ZPBP: variants seen among roughly 807,000 people sequenced by gnomAD.
ZPBP encodes the protein zona pellucida binding protein, also known as zona pellucida-binding protein 1.
A neutral mutation model predicts 44.8 loss-of-function variants in ZPBP; 26 were observed. The ratio of observed to expected loss-of-function variants is 0.58; its 90% CI spans 0.43 to 0.81. ZPBP has a LOEUF of 0.81. ZPBP is among the 30% of genes least tolerant of loss of function. The pLI is 0.00. For missense variants in ZPBP, 409 were observed against 434.0 expected (o/e 0.94, Z 0.51); for synonymous variants, 174 against 153.2 (o/e 1.14, Z -1.00).
intron 3 of ZPBP, among the ~76,000 whole-genome samples, chr7:50,063,087 G>T (rs1291368307): frequency 2.6e-5 from 4 of 152,144 alleles, no homozygotes; most frequent in African/African-American, 9.7e-5. Flanking sequence ...TACTTTTCAA[G>T]AAATAACATG....
chr7:49,982,297 T>TA (rs1797047815), intron 7 of ZPBP, among the ~76,000 whole-genome samples: 1 of 21,064 alleles, frequency 4.7e-5, no homozygotes, highest in Non-Finnish European at 8.7e-5. Context: ...ACATAATATA[T>TA]ATAATATATA....
chr7:49,980,144 TATTATA>T (rs1401703136), intron 7 of ZPBP, among the ~76,000 whole-genome samples: 1 of 115,164 alleles, frequency 8.7e-6, no homozygotes, highest in Non-Finnish European at 1.6e-5. Flanking sequence ...ATTATATTTA[TATTATA>T]ATTATATATT....
chr7:50,045,079 G>A (rs1403634949), intron 4 of ZPBP, among the ~76,000 whole-genome samples: 5 of 152,254 alleles, frequency 3.3e-5, no homozygotes, highest in Middle Eastern at 3.4e-3. Flanking sequence ...TGCAGAAAAG[G>A]TCTTTGATAA....
At chr7:50,028,529 T>C (rs2128810396) in intron 5 of ZPBP, among the ~76,000 whole-genome samples, 2 of 151,902 alleles carry the variant, frequency 1.3e-5, no homozygotes, top group South Asian at 4.1e-4. Flanking sequence ...GTGGAAAGTG[T>C]GAAGTAAAAC....
intron 4 of ZPBP, among the ~76,000 whole-genome samples, chr7:50,033,854 G>A (rs931458481): frequency 3.9e-5 from 6 of 151,920 alleles, no homozygotes; most frequent in South Asian, 2.1e-4. Flanking sequence ...CACCATACCC[G>A]GCTAATTTTT....
At chr7:49,902,097 T>C (rs919761872) in intron 1 of ZPBP, among the ~76,000 whole-genome samples, 2 of 152,084 alleles carry the variant, frequency 1.3e-5, no homozygotes, top group South Asian at 2.1e-4. Flanking sequence ...GAAGATCACA[T>C]AGGAGAAAGT....
chr7:50,036,159 C>T (rs959121377), intron 4 of ZPBP, among the ~76,000 whole-genome samples: 4 of 152,092 alleles, frequency 2.6e-5, no homozygotes, highest in Non-Finnish European at 5.9e-5. Flanking sequence ...AAATATGTTT[C>T]TTTGTTTGTT....
intron 2 of ZPBP, among the ~76,000 whole-genome samples, chr7:49,873,954 CATTT>C (rs1002504068): frequency 1.3e-5 from 2 of 150,914 alleles, no homozygotes; most frequent in Non-Finnish European, 3.0e-5. Context: ...TAGTATGATA[CATTT>C]ATTTATTGCA....
chr7:50,044,137 C>G (rs1286769098), intron 4 of ZPBP, among the ~76,000 whole-genome samples: 1 of 152,100 alleles, frequency 6.6e-6, no homozygotes, highest in Non-Finnish European at 1.5e-5. Flanking sequence ...ACACAACGTA[C>G]CAGAATCTCT....
At chr7:49,843,191 T>C in the ZPBP span, among the ~76,000 whole-genome samples, 1 of 152,232 alleles carries the variant, frequency 6.6e-6, no homozygotes, top group African/African-American at 2.4e-5. Context: ...TTGCTTACTG[T>C]AACCAATAAG....
the ZPBP span, among the ~76,000 whole-genome samples, chr7:49,844,176 A>T: frequency 1.1e-4 from 17 of 152,352 alleles, no homozygotes; most frequent in African/African-American, 4.1e-4. Context: ...CTCAGACGGG[A>T]ATCGCACACT....
chr7:49,883,871 A>G (rs1253760815), intron 2 of ZPBP, among the ~76,000 whole-genome samples: 2 of 152,242 alleles, frequency 1.3e-5, no homozygotes, highest in Non-Finnish European at 2.9e-5. Context: ...TAAAGAAAAC[A>G]AGTATTCAAC....
At chr7:49,986,393 C>T (rs1264619117) in intron 6 of ZPBP, among the ~76,000 whole-genome samples, 1 of 152,206 alleles carries the variant, frequency 6.6e-6, no homozygotes. Flanking sequence ...GCACCCCATT[C>T]CCCCTTCCCT....
chr7:50,000,374 T>C (rs1198322643), intron 6 of ZPBP, among the ~76,000 whole-genome samples: 1 of 152,184 alleles, frequency 6.6e-6, no homozygotes, highest in Non-Finnish European at 1.5e-5. Context: ...AAAGAAAATT[T>C]AATACTTGAT....
At chr7:49,984,982 C>T (rs1332918969) in intron 6 of ZPBP, among the ~76,000 whole-genome samples, 1 of 152,114 alleles carries the variant, frequency 6.6e-6, no homozygotes, top group African/African-American at 2.4e-5. Context: ...TGAGTTTTCT[C>T]CAGGTACTCT....
intron 5 of ZPBP, among the ~76,000 whole-genome samples, chr7:50,029,456 G>GA (rs34008978): frequency 6.6e-6 from 1 of 152,014 alleles, no homozygotes; most frequent in African/African-American, 2.4e-5. Context: ...GAAACACAAG[G>GA]AAAAAATAGG....
At chr7:49,892,053 TTTTTTTTTTG>T in intron 2 of ZPBP, among the ~76,000 whole-genome samples, 1 of 134,306 alleles carries the variant, frequency 7.4e-6, no homozygotes. Flanking sequence ...TTTTTTTTTT[TTTTTTTTTTG>T]AGACGGAGTC....
chr7:50,093,232 A>G lies in ZPBP; in HGVS notation c.-38T>C. 5 of 1,493,530 alleles carry G rather than the reference A, an allele frequency of 3.3e-6. No homozygotes were observed. Among genetic ancestry groups the G allele is most frequent in the African/African-American group, 1.5e-5 (1 of 68,782 alleles). 92.5% of individuals were successfully genotyped at this position (1,493,530 alleles called of 1,614,324 possible). A position where few individuals can be genotyped will look rare whatever the true frequency, so the allele number is the denominator to read the frequency against. On this transcript the variant is annotated 5_prime_UTR_variant, in exon 1 of 8. Transcript: ENST00000046087. ...GTCGCCTGCCCACCGTCCGCGCGGAAGGTCGTTAGGCAACGCGCGCCCACC... is the reference window on the plus strand; with the variant it reads ...GTCGCCTGCCCACCGTCCGCGCGGAGGGTCGTTAGGCAACGCGCGCCCACC...
At chr7:50,077,133 G>C (rs932876341) in intron 3 of ZPBP, among the ~76,000 whole-genome samples, 54 of 151,634 alleles carry the variant, frequency 3.6e-4, no homozygotes, top group African/African-American at 1.3e-3. Context: ...ACAGTGCCAA[G>C]GACATACTCT....
Sources: gnomAD v4.1 joint callset for allele counts (sites outside exome capture counted in the v4.1 genomes callset) on GRCh38, gnomAD v4.1.1 for gene constraint, MANE v1.5 for transcripts, NCBI Gene and HGNC (gene_info 2026-07-23, HGNC 2026-07-21) for gene names.